PLXNA3: variants seen among roughly 807,000 people sequenced by gnomAD.
The protein encoded by PLXNA3 is plexin A3, also known as plexin-A3.
Under a neutral mutation model 118.8 loss-of-function variants are expected in PLXNA3, and 52 were observed. The ratio of observed to expected loss-of-function variants is 0.44; its 90% CI spans 0.35 to 0.55. PLXNA3 has a LOEUF of 0.55. PLXNA3 is among the 20% of genes least tolerant of loss of function. The probability of loss-of-function intolerance (pLI) is 0.01; values close to 1 mark genes in which losing one functional copy is unlikely to be tolerated. For missense variants in PLXNA3, 1,660 were observed against 1,730.8 expected (o/e 0.96, Z 0.73); for synonymous variants, 925 against 762.4 (o/e 1.21, Z -3.51).
chrX:154,460,908 A>G, intron 2 of PLXNA3, 131 bp downstream of exon 2: 1 of 624,677 alleles, frequency 1.6e-6, no homozygotes, highest in Non-Finnish European at 2.4e-6. Context: ...GGAGGGTGGG[A>G]TGACAGCCTG....
At chrX:154,471,738 T>G in intron 32 of PLXNA3, 100 bp downstream of exon 32, 1 of 818,264 alleles carries the variant, frequency 1.2e-6, no homozygotes, top group Non-Finnish European at 1.8e-6. Context: ...GTTCACGGTC[T>G]CTCCCCTGAC....
rs782465018 is a variant in PLXNA3 at position 154,463,960 on chromosome X, C to A, written c.1557C>A (p.Arg519=). ...GWCVLRHRCC[R]EGACLGASAP... ...GCCCGACCCCGTGCAGGTGCTGCCG[C>A]GAAGGGGCCTGTCTGGGCGCCTCTG... The change falls in exon 7 of 33, where the codon CGC becomes CGA. Residue 519 remains arginine, a synonymous_variant. Transcript: ENST00000369682. 2.0e-5 allele frequency: 24 copies of A among 1,173,596 alleles called. 1 individual carries two copies. The South Asian group carries it at 4.1e-4, about 20-fold the overall frequency.
chrX:154,469,628 T>TG (rs2069150715), intron 27 of PLXNA3, 60 bp from the exon 28 acceptor site: 20 of 619,683 alleles, frequency 3.2e-5, no homozygotes, highest in Non-Finnish European at 4.4e-5. Context: ...TGTGGGTGGG[T>TG]GGGGGCGCCT....
rs35567597 is a variant in PLXNA3 at position 154,465,844 on chromosome X, G to A, written c.2529G>A (p.Thr843=). The A allele has an allele frequency of 0.027, 32,871 of 1,205,330 alleles. 407 individuals are homozygous for A. The highest frequency in any genetic ancestry group is 0.033 in the Non-Finnish European group (29,889 of 892,629). ...KGTRCSHPRI[T]QIHPLVGPKE... Reference sequence around the variant, plus strand: ...CCCGGTGCAGCCACCCCCGCATCACGCAGGTCAGCCTCCCTCACCGCCCCT... The same window carrying A: ...CCCGGTGCAGCCACCCCCGCATCACACAGGTCAGCCTCCCTCACCGCCCCT... The change falls in exon 13 of 33, where the codon ACG becomes ACA. Residue 843 remains threonine (T), a synonymous_variant. Transcript: ENST00000369682.
Position 154,460,172 on chromosome X carries a change from C to A in PLXNA3, c.-12C>A. On this transcript the variant is annotated 5_prime_UTR_variant, in exon 2 of 33. Coordinates refer to ENST00000369682, the MANE Select transcript of PLXNA3 (RefSeq NM_017514.5). ...CTCTCCCTAGGCCTGTCCCCAGGCGCGGCTGCCGGCCATGCCCTCTGTCTG... is the reference window on the plus strand; with the variant it reads ...CTCTCCCTAGGCCTGTCCCCAGGCGAGGCTGCCGGCCATGCCCTCTGTCTG... 8.6e-7 allele frequency: 1 copy of A among 1,159,898 alleles called. No individual in the cohort carries two copies. Among genetic ancestry groups the A allele is most frequent in the Non-Finnish European group, 1.2e-6 (1 of 853,327 alleles).
rs200880623 is a variant in PLXNA3, at chrX:154,467,893, G to C, written c.3712G>C (p.Val1238Leu). ...GGLLLLAITA[V>L]LVAYKRKTQD... The stretch of plus-strand genomic sequence containing the variant: ...GCTCCTGCTGCTGGCCATCACAGCC[G>C]TGCTGGTGGCCTACAAGCGCAAGAC... The change falls in exon 21 of 33, where the codon GTG becomes CTG. Residue 1238 changes from valine (V) to leucine (L), a missense_variant. By Grantham distance (32) the Val-to-Leu change is conservative. Transcript: ENST00000369682. 6 of 1,209,974 alleles carry C rather than the reference G, an allele frequency of 5.0e-6. No homozygotes were observed. In the South Asian group the frequency reaches 5.3e-5, roughly 11 times the overall value.
chrX:154,467,171 C>A (rs1557207447), intron 18 of PLXNA3, 21 bp downstream of exon 18: 1 of 1,207,981 alleles, frequency 8.3e-7, no homozygotes, highest in South Asian at 1.8e-5. Flanking sequence ...GCTGCCCCGC[C>A]CCACCCCGAC....
Position 154,461,526 on chromosome X carries a change from C to T in PLXNA3, c.1022C>T (p.Thr341Ile). The T allele has an allele frequency of 8.3e-7, 1 of 1,211,440 alleles. No homozygotes were observed. The highest frequency in any genetic ancestry group is 1.1e-6 in the Non-Finnish European group (1 of 895,280). ...PPRQTILCLF[T>I]LSNINAHIRR... ...CGGCAGACCATCCTCTGCCTCTTCA[C>T]CCTCAGCAACATCAATGCCCACATC... Residue 341 changes from threonine (T) to isoleucine (I), a missense_variant, in exon 3 of 33, where the codon ACC (threonine) becomes ATC (isoleucine). This residue lies in a region of PLXNA3 where 791 missense variants were observed against 652.1 expected (regional missense o/e 1.21). Transcript: ENST00000369682.
chrX:154,462,778 T>C (rs1004768272), intron 4 of PLXNA3, among the ~76,000 whole-genome samples: 13 of 110,536 alleles, frequency 1.2e-4, no homozygotes, highest in South Asian at 3.9e-4. Context: ...GCTGCTTCCA[T>C]TGGGGATCTG....
At position 154,465,527 on chromosome X, in the gene PLXNA3, G is replaced by A; in HGVS notation, c.2341+7G>A. ...AAGCCTCCCAGCTTCCGAGGTGAAGGCATGGGCCAGGGAGCTTCCCTCCTA... is the reference window on the plus strand; with the variant it reads ...AAGCCTCCCAGCTTCCGAGGTGAAGACATGGGCCAGGGAGCTTCCCTCCTA... On this transcript the variant is annotated splice_region_variant and intron_variant, in intron 12 of 32. Coordinates refer to ENST00000369682, the MANE Select transcript of PLXNA3 (RefSeq NM_017514.5). The A allele has an allele frequency of 8.4e-7, 1 of 1,190,159 alleles. No homozygotes were observed. Among genetic ancestry groups the A allele is most frequent in the African/African-American group, 1.7e-5 (1 of 57,307 alleles).
chrX:154,464,140 C>T lies in PLXNA3; in HGVS notation c.1672-17C>T, dbSNP rs1335547247. 1 of 1,206,178 alleles carries T rather than the reference C, an allele frequency of 8.3e-7. No individual in the cohort carries two copies. Among genetic ancestry groups the T allele is most frequent in the Non-Finnish European group, 1.1e-6 (1 of 892,570 alleles). ...TGCTGGGAGTCCGCCCTGCCCTGAG[C>T]CCTCTGCTTCCCCCAGCTGACCGTC... On this transcript the variant is annotated splice_polypyrimidine_tract_variant and intron_variant, in intron 7 of 32. Transcript: ENST00000369682.
Position 154,464,426 on chromosome X carries a change from A to T in PLXNA3, c.1853A>T (p.Gln618Leu). 1 of 1,211,154 alleles carries T rather than the reference A, an allele frequency of 8.3e-7. No homozygotes were observed. Among genetic ancestry groups the T allele is most frequent in the Non-Finnish European group, 1.1e-6 (1 of 895,153 alleles). ...GHGATRTVRL[Q>L]LLSKETGVRF... ...GGGGCCACCCGCACTGTGCGGCTGC[A>T]GCTTCTCTCCAAGGAGACAGGCGTG... Residue 618 changes from glutamine (Q) to leucine (L), a missense_variant, in exon 9 of 33, where the codon CAG (glutamine) becomes CTG (leucine). Around this residue, in one of 2 missense-constraint regions of PLXNA3, gnomAD observed 791 missense variants for 652.1 expected, o/e 1.21. Transcript: ENST00000369682.
intron 32 of PLXNA3, 98 bp from the exon 33 acceptor site, chrX:154,472,492 C>T (rs1484198772): frequency 3.6e-6 from 2 of 559,908 alleles, no homozygotes; most frequent in African/African-American, 2.3e-5. Context: ...AGGGATGAGG[C>T]GTGTGGGAGG....
chrX:154,466,356 C>T lies in PLXNA3; in HGVS notation c.2800-20C>T. On this transcript the variant is annotated intron_variant, in intron 15 of 32. Transcript: ENST00000369682. ...AGCAGCCCGGCCCGGCTCCTCCCCT[C>T]AGGGCAGCTTCTCCCGCAGACCCCA... is the stretch of plus-strand genomic sequence containing the variant. 1 of 1,211,598 alleles carries T rather than the reference C, an allele frequency of 8.3e-7. No homozygotes were observed. Among genetic ancestry groups the T allele is most frequent in the Non-Finnish European group, 1.1e-6 (1 of 895,512 alleles).
At position 154,471,110 on chromosome X, in the gene PLXNA3, C is replaced by T. The variant is rs1235178364; in HGVS notation, c.5162C>T (p.Pro1721Leu). 2 of 1,208,100 alleles carry T rather than the reference C, an allele frequency of 1.7e-6. No individual in the cohort carries two copies. The highest frequency in any genetic ancestry group is 1.8e-5 in the African/African-American group (1 of 56,989). ...CGTCCCTCTGTTGTCCACAGCCTGC[C>T]GCTGCGCTTCTGGGTGAATGTGATC... ...VRHTWKSNCL[P>L]LRFWVNVIKN... The change falls in exon 31 of 33, where the codon CCG becomes CTG. Residue 1721 changes from proline (P) to leucine (L), a missense_variant. Pro to Leu is a moderately conservative substitution (Grantham distance 98). Around this residue, in one of 2 missense-constraint regions of PLXNA3, gnomAD observed 869 missense variants for 1,078.7 expected, o/e 0.81. Coordinates refer to ENST00000369682, the MANE Select transcript of PLXNA3 (RefSeq NM_017514.5).
chrX:154,470,660 C>T (rs375300852), intron 30 of PLXNA3, 49 bp downstream of exon 30: 16 of 1,124,647 alleles, frequency 1.4e-5, no homozygotes, highest in East Asian at 6.0e-5. Context: ...GACTGGTGGG[C>T]GGAAGACGCT....
rs781896724 is a variant in PLXNA3, at chrX:154,463,944, C to T, written c.1548-7C>T. 9.5e-6 allele frequency: 11 copies of T among 1,163,703 alleles called. No individual in the cohort carries two copies. The highest frequency in any genetic ancestry group is 5.4e-5 in the African/African-American group (3 of 56,071). On this transcript the variant is annotated splice_region_variant and splice_polypyrimidine_tract_variant and intron_variant, in intron 6 of 32. Transcript: ENST00000369682. ...GGCGGGACCGGCTCTGGCCCGACCCCGTGCAGGTGCTGCCGCGAAGGGGCC... is the reference window on the plus strand; with the variant it reads ...GGCGGGACCGGCTCTGGCCCGACCCTGTGCAGGTGCTGCCGCGAAGGGGCC...
chrX:154,461,298 T>C lies in PLXNA3; in HGVS notation c.794T>C (p.Met265Thr). 8.3e-7 allele frequency: 1 copy of C among 1,212,098 alleles called. No homozygotes were observed. Among genetic ancestry groups the C allele is most frequent in the Non-Finnish European group, 1.1e-6 (1 of 895,315 alleles). The change falls in exon 3 of 33, where the codon ATG (methionine) becomes ACG (threonine). Residue 265 changes from methionine (M) to threonine (T), a missense_variant. Coordinates refer to ENST00000369682, the MANE Select transcript of PLXNA3 (RefSeq NM_017514.5). ...EKFFTSKIVR[M>T]CAGDSEFYSY... ...TTTTTCACGTCCAAGATCGTGCGCA[T>C]GTGCGCGGGAGACTCAGAGTTCTAC...
chrX:154,465,911 C>G (rs781809354), intron 13 of PLXNA3, 24 bp from the exon 14 acceptor site: 1 of 1,210,138 alleles, frequency 8.3e-7, no homozygotes, highest in Non-Finnish European at 1.1e-6. Context: ...AGCCAACTCT[C>G]TCACTGCCCA....
Sources: allele counts gnomAD v4.1 joint callset (sites outside exome capture counted in the v4.1 genomes callset), GRCh38; gene constraint gnomAD v4.1.1; regional missense constraint gnomAD v4.1.1; transcripts MANE v1.5; gene names NCBI Gene and HGNC (gene_info 2026-07-23, HGNC 2026-07-21).